The following CLSTN2 variants were observed in gnomAD, a reference collection of about 807,000 sequenced individuals.
CLSTN2 encodes the protein calsyntenin 2, also known as calsyntenin-2.
A neutral mutation model predicts 101.2 loss-of-function variants in CLSTN2; 48 were observed. That is an observed-to-expected ratio of 0.47 (90% CI 0.38 to 0.60). The LOEUF (loss-of-function observed/expected upper bound fraction) is 0.60, where lower values mean the gene tolerates loss of function less well. Among genes scored for constraint, CLSTN2 ranks in the 20% least tolerant of loss-of-function variants. The pLI is 0.00. For missense variants in CLSTN2, 1,160 were observed against 1,238.2 expected (o/e 0.94, Z 0.95); for synonymous variants, 481 against 463.6 (o/e 1.04, Z -0.48).
At chr3:140,243,240 T>C (rs1360301882) in intron 2 of CLSTN2, among the ~76,000 whole-genome samples, 1 of 152,136 alleles carries the variant, frequency 6.6e-6, no homozygotes, top group Non-Finnish European at 1.5e-5. Flanking sequence ...GGGACAGAAA[T>C]AGACTTTGGT....
At chr3:140,273,369 A>C (rs185131829) in intron 2 of CLSTN2, among the ~76,000 whole-genome samples, 152 of 152,252 alleles carry the variant, frequency 1.0e-3, no homozygotes, top group Admixed American at 4.8e-3. Flanking sequence ...CTGGAACTTA[A>C]AGTAAAATAA....
chr3:140,243,675 A>G (rs1202984118), intron 2 of CLSTN2, among the ~76,000 whole-genome samples: 3 of 152,216 alleles, frequency 2.0e-5, no homozygotes, highest in African/African-American at 7.2e-5. Context: ...TGAGAGAGCA[A>G]GGAGAGCTTA....
chr3:140,383,869 G>C (rs2088021185), intron 2 of CLSTN2, among the ~76,000 whole-genome samples: 1 of 152,194 alleles, frequency 6.6e-6, no homozygotes, highest in Admixed American at 6.5e-5. Context: ...TAGCATTGCT[G>C]GTCTGTGGAA....
chr3:140,071,866 A>ATAAAT (rs2008403238), intron 1 of CLSTN2, among the ~76,000 whole-genome samples: 1 of 152,148 alleles, frequency 6.6e-6, no homozygotes, highest in African/African-American at 2.4e-5. Flanking sequence ...TAAATAAAAA[A>ATAAAT]GAAAAACACC....
intron 2 of CLSTN2, 92 bp from the exon 3 acceptor site, chr3:140,403,537 G>A: frequency 9.4e-7 from 1 of 1,062,262 alleles, no homozygotes; most frequent in Non-Finnish European, 1.4e-6. Context: ...TTGCATGGAG[G>A]CTTTGAGTTT....
rs769896842 is a variant in CLSTN2, at chr3:140,532,419, G to T, written c.1440G>T (p.Val480=). Residue 480 remains valine (V), a synonymous_variant, in exon 9 of 17, where the codon GTG becomes GTT. Coordinates refer to ENST00000458420, the MANE Select transcript of CLSTN2 (RefSeq NM_022131.3). ...GAGCAACATATGAACCATACCTGGTGACCAACGACTGGCCCATTCATCCAT... is the reference window on the plus strand; with the variant it reads ...GAGCAACATATGAACCATACCTGGTTACCAACGACTGGCCCATTCATCCAT... ...MDGATYEPYL[V]TNDWPIHPSH... 1 of 1,613,984 alleles carries T rather than the reference G, an allele frequency of 6.2e-7. No individual in the cohort carries two copies. Among genetic ancestry groups the T allele is most frequent in the Admixed American group, 1.7e-5 (1 of 59,998 alleles).
intron 8 of CLSTN2, among the ~76,000 whole-genome samples, chr3:140,531,646 C>A (rs1293908402): frequency 6.6e-6 from 1 of 152,122 alleles, no homozygotes; most frequent in Non-Finnish European, 1.5e-5. Flanking sequence ...GGGGTGGCAT[C>A]GTTCTCTAGT....
rs185743055 is a variant in CLSTN2 at position 140,548,459 on chromosome 3, C to T, written c.1674+1778C>T. On this transcript the variant is annotated intron_variant, in intron 10 of 16. Coordinates refer to ENST00000458420, the MANE Select transcript of CLSTN2 (RefSeq NM_022131.3). ...AGTTAGTGATGAGTAGATTCAGTCC[C>T]ACTCCAGAGATCCAGAACCTTGGAG... Among the ~76,000 whole-genome samples the T allele has an allele frequency of 5.3e-5, 8 of 152,284 alleles. No individual in the cohort carries two copies. In the East Asian group the frequency reaches 1.5e-3, roughly 29 times the overall value.
chr3:140,013,515 C>A (rs2007131686), intron 1 of CLSTN2, among the ~76,000 whole-genome samples: 1 of 152,120 alleles, frequency 6.6e-6, no homozygotes, highest in Admixed American at 6.5e-5. Flanking sequence ...GAAATAAGGC[C>A]GTTTGGGTGC....
rs570035002 is a variant in CLSTN2, at chr3:140,456,625, A to G, written c.974-2896A>G. Among the ~76,000 whole-genome samples, 3 of 152,092 alleles carry G rather than the reference A, an allele frequency of 2.0e-5. No individual in the cohort carries two copies. The East Asian group carries it at 5.8e-4, about 30-fold the overall frequency. ...AACATGGTGAAACCCCATCTCTTCT[A>G]AAAATACAAAAATTAGCCAGACATA... is the stretch of plus-strand genomic sequence containing the variant. On this transcript the variant is annotated intron_variant, in intron 6 of 16. Transcript: ENST00000458420.
intron 2 of CLSTN2, among the ~76,000 whole-genome samples, chr3:140,314,321 G>T (rs904881614): frequency 1.3e-5 from 2 of 152,180 alleles, no homozygotes; most frequent in Admixed American, 1.3e-4. Flanking sequence ...CCTTGGACTT[G>T]TTTCTATTAT....
intron 2 of CLSTN2, among the ~76,000 whole-genome samples, chr3:140,231,172 A>G (rs551891004): frequency 5.8e-4 from 89 of 152,268 alleles, no homozygotes; most frequent in African/African-American, 2.0e-3. Context: ...TAAGTAAGGG[A>G]GGTCTCAGCT....
intron 2 of CLSTN2, among the ~76,000 whole-genome samples, chr3:140,205,618 G>GCCGC (rs1553721845): frequency 3.0e-5 from 2 of 67,226 alleles, no homozygotes; most frequent in Non-Finnish European, 7.4e-5. Flanking sequence ...GACCTGACCC[G>GCCGC]CCCCCCACCC....
At chr3:140,214,573 A>G (rs967573120) in intron 2 of CLSTN2, among the ~76,000 whole-genome samples, 6 of 152,326 alleles carry the variant, frequency 3.9e-5, no homozygotes, top group Admixed American at 3.3e-4. Flanking sequence ...CATCATCTCC[A>G]AGTAACCTGG....
intron 1 of CLSTN2, among the ~76,000 whole-genome samples, chr3:140,158,334 T>A (rs1248721608): frequency 6.6e-6 from 1 of 152,162 alleles, no homozygotes; most frequent in Admixed American, 6.5e-5. Flanking sequence ...CTCCTAGAAC[T>A]GATAAATGAC....
Position 140,293,949 on chromosome 3 carries a change from A to G in CLSTN2, c.233-109680A>G, listed in dbSNP as rs564906101. Among the ~76,000 whole-genome samples the G allele has an allele frequency of 2.6e-5, 4 of 152,296 alleles. No individual in the cohort carries two copies. In the East Asian group the frequency reaches 7.7e-4, roughly 29 times the overall value. ...TTCAGCATCAAAGACTGAGATGCAA[A>G]CCATGGGAAGAATATAAGACTGAAA... is the stretch of plus-strand genomic sequence containing the variant. On this transcript the variant is annotated intron_variant, in intron 2 of 16. Transcript: ENST00000458420.
At chr3:140,328,605 C>T (rs1449135763) in intron 2 of CLSTN2, among the ~76,000 whole-genome samples, 2 of 152,062 alleles carry the variant, frequency 1.3e-5, no homozygotes, top group African/African-American at 2.4e-5. Flanking sequence ...TAGGCAAGGC[C>T]GCTCTGTTGA....
intron 1 of CLSTN2, among the ~76,000 whole-genome samples, chr3:140,140,025 C>T (rs982717152): frequency 6.6e-6 from 1 of 152,202 alleles, no homozygotes; most frequent in African/African-American, 2.4e-5. Flanking sequence ...CAACATCATT[C>T]AGAGGCCTTG....
chr3:140,205,778 G>C (rs933001089), intron 2 of CLSTN2, among the ~76,000 whole-genome samples: 2 of 152,156 alleles, frequency 1.3e-5, no homozygotes, highest in African/African-American at 4.8e-5. Context: ...GGGCGATAAG[G>C]CAGGGTTGCT....
Sources: gnomAD v4.1 joint callset for allele counts (sites outside exome capture counted in the v4.1 genomes callset) on GRCh38, gnomAD v4.1.1 for gene constraint, MANE v1.5 for transcripts, NCBI Gene and HGNC (gene_info 2026-07-23, HGNC 2026-07-21) for gene names.